The following AIG1 variants were observed in gnomAD, a reference collection of about 807,000 sequenced individuals.
AIG1 encodes androgen induced 1, also known as androgen-induced gene 1 protein.
A neutral mutation model predicts 31.4 loss-of-function variants in AIG1; 23 were observed. The observed-to-expected ratio is 0.73, with a 90% confidence interval of 0.53 to 1.04. The LOEUF (loss-of-function observed/expected upper bound fraction) is 1.04. Ranked by LOEUF, AIG1 falls within the 50% of genes least tolerant of loss-of-function variation. The pLI, the probability that AIG1 is intolerant of heterozygous loss-of-function variation, is 0.00. For synonymous variants in AIG1, 100 were observed against 110.5 expected, an observed-to-expected ratio of 0.90 and a Z score of 0.60; for missense variants, 274 against 295.0, an observed-to-expected ratio of 0.93 and a Z score of 0.52.
At chr6:143,141,544 G>A (rs1202012591) in intron 2 of AIG1, among the ~76,000 whole-genome samples, 2 of 152,158 alleles carry the variant, frequency 1.3e-5, no homozygotes, top group Admixed American at 1.3e-4. Flanking sequence ...GGATGAACAT[G>A]GCATGTATCA....
At chr6:143,189,064 A>G in intron 3 of AIG1, 1 of 942,238 alleles carries the variant, frequency 1.1e-6, no homozygotes, top group Non-Finnish European at 1.3e-6. Flanking sequence ...GAGACTTTTT[A>G]AGAGTCTCAC....
downstream of AIG1, among the ~76,000 whole-genome samples, chr6:143,341,600 G>A (rs1777857992): frequency 6.6e-6 from 1 of 152,210 alleles, no homozygotes; most frequent in African/African-American, 2.4e-5. Context: ...GTGAGGGCAT[G>A]GGAAGAAGGT....
At chr6:143,295,814 C>T (rs1798385769) in intron 4 of AIG1, among the ~76,000 whole-genome samples, 1 of 152,020 alleles carries the variant, frequency 6.6e-6, no homozygotes, top group South Asian at 2.1e-4. Context: ...AAAGTCTGCC[C>T]CCAAAGTCCC....
At chr6:143,077,494 C>T (rs1427937992) in intron 1 of AIG1, among the ~76,000 whole-genome samples, 1 of 152,154 alleles carries the variant, frequency 6.6e-6, no homozygotes, top group Non-Finnish European at 1.5e-5. Flanking sequence ...TCTTTTCTTT[C>T]ATCACTTAAA....
chr6:143,166,918 G>A lies in AIG1; in HGVS notation c.399+1735G>A, dbSNP rs373773613. 4.6e-5 allele frequency among the ~76,000 whole-genome samples: 7 copies of A among 152,184 alleles called. No individual in the cohort carries two copies. In the South Asian group the frequency reaches 1.4e-3, roughly 32 times the overall value. On this transcript the variant is annotated intron_variant, in intron 3 of 5. Coordinates refer to ENST00000357847, the MANE Select transcript of AIG1 (RefSeq NM_016108.4). ...CCCAGGCCTATCTGGCCTCAAATGTGTGGCCACATTTTATCTGAACAAGCA... is the reference window on the plus strand; with the variant it reads ...CCCAGGCCTATCTGGCCTCAAATGTATGGCCACATTTTATCTGAACAAGCA...
At chr6:143,158,928 A>G (rs1786061585) in intron 2 of AIG1, among the ~76,000 whole-genome samples, 1 of 152,258 alleles carries the variant, frequency 6.6e-6, no homozygotes, top group South Asian at 2.1e-4. Context: ...GGAACCAGTA[A>G]TGAACAGGGC....
chr6:143,189,134 G>A (rs1789550621), intron 3 of AIG1: 1 of 614,528 alleles, frequency 1.6e-6, no homozygotes, highest in Non-Finnish European at 2.0e-6. Flanking sequence ...CCCTTAAACT[G>A]CAGGGCTCAA....
intron 2 of AIG1, among the ~76,000 whole-genome samples, chr6:143,147,044 C>T (rs1019851415): frequency 2.0e-5 from 3 of 152,094 alleles, no homozygotes; most frequent in Admixed American, 6.5e-5. Context: ...CTCCTAAGCA[C>T]CCCTGAAGAG....
intron 3 of AIG1, among the ~76,000 whole-genome samples, chr6:143,248,587 CA>C (rs1794774814): frequency 6.6e-6 from 1 of 152,138 alleles, no homozygotes; most frequent in Admixed American, 6.5e-5. Context: ...TGATGAAACC[CA>C]AAGGGGCGGG....
chr6:143,083,453 C>T, intron 1 of AIG1, among the ~76,000 whole-genome samples: 1 of 152,126 alleles, frequency 6.6e-6, no homozygotes, highest in Non-Finnish European at 1.5e-5. Context: ...TACAGGGATG[C>T]AGAAAAAAGC....
chr6:143,236,654 G>T (rs778522958), intron 3 of AIG1, among the ~76,000 whole-genome samples: 8 of 152,140 alleles, frequency 5.3e-5, no homozygotes, highest in Non-Finnish European at 1.2e-4. Context: ...GCAACAGTAG[G>T]CTCCAGTCCT....
intron 3 of AIG1, among the ~76,000 whole-genome samples, chr6:143,240,197 C>G (rs1430311922): frequency 6.6e-6 from 1 of 152,120 alleles, no homozygotes; most frequent in Non-Finnish European, 1.5e-5. Flanking sequence ...GTTTCCTCAT[C>G]TACAGAATAG....
chr6:143,307,176 T>C (rs1408920860), intron 4 of AIG1, among the ~76,000 whole-genome samples: 6 of 152,254 alleles, frequency 3.9e-5, no homozygotes, highest in African/African-American at 2.4e-5. Context: ...GTAGTTTGAT[T>C]GTCTGAAGCC....
chr6:143,199,151 A>G (rs999113855), intron 3 of AIG1, among the ~76,000 whole-genome samples: 6 of 152,214 alleles, frequency 3.9e-5, no homozygotes, highest in Admixed American at 6.5e-5. Flanking sequence ...CTATTAAATC[A>G]GTATTCGTTG....
At chr6:143,191,768 A>G (rs1182355335) in intron 3 of AIG1, among the ~76,000 whole-genome samples, 1 of 152,222 alleles carries the variant, frequency 6.6e-6, no homozygotes, top group Non-Finnish European at 1.5e-5. Context: ...TTTAGATTAC[A>G]TTTAAAAAAT....
Position 143,090,288 on chromosome 6 carries a change from T to C in AIG1, c.141+29222T>C, listed in dbSNP as rs56201859. Among the ~76,000 whole-genome samples the C allele has an allele frequency of 3.2e-3, 465 of 146,120 alleles. 6 individuals carry two copies. Among genetic ancestry groups the C allele is most frequent in the African/African-American group, 0.013 (448 of 35,524 alleles). On this transcript the variant is annotated intron_variant, in intron 1 of 5. Transcript: ENST00000357847. ...GATATCTCTATCATCTATCTATCTA[T>C]CTGTCTTTCTATCTATCTATCCATC...
chr6:143,339,503 G>T, intron 5 of AIG1, 136 bp from the exon 6 acceptor site: 1 of 785,296 alleles, frequency 1.3e-6, no homozygotes, highest in Non-Finnish European at 2.0e-6. Flanking sequence ...GAGGGAATAG[G>T]GGGTGTGTCA....
intron 3 of AIG1, among the ~76,000 whole-genome samples, chr6:143,261,192 C>T (rs538850528): frequency 2.0e-5 from 3 of 152,088 alleles, no homozygotes; most frequent in South Asian, 2.1e-4. Flanking sequence ...AGTGCAGCGG[C>T]GCGATCTCAG....
chr6:143,096,373 C>T (rs1779795720), intron 1 of AIG1, among the ~76,000 whole-genome samples: 1 of 152,172 alleles, frequency 6.6e-6, no homozygotes, highest in Admixed American at 6.5e-5. Flanking sequence ...TTGCTGTTTA[C>T]ATGAATGAAT....
Sources: gnomAD v4.1 joint callset for allele counts (sites outside exome capture counted in the v4.1 genomes callset) on GRCh38, gnomAD v4.1.1 for gene constraint, MANE v1.5 for transcripts, NCBI Gene and HGNC (gene_info 2026-07-23, HGNC 2026-07-21) for gene names.